The following PDCL2 variants were observed in gnomAD, a reference collection of about 807,000 sequenced individuals.
The protein encoded by PDCL2 is phosducin like 2, also known as phosducin-like protein 2.
Under a neutral mutation model 30.3 loss-of-function variants are expected in PDCL2, and 23 were observed. That is an observed-to-expected ratio of 0.76 (90% CI 0.55 to 1.08). PDCL2 has a LOEUF of 1.08. Among genes scored for constraint, PDCL2 ranks in the 50% least tolerant of loss-of-function variants. PDCL2 has a pLI of 0.00. For synonymous variants in PDCL2, 68 were observed against 86.2 expected (o/e 0.79, Z 1.17); for missense variants, 243 against 282.3 (o/e 0.86, Z 1.00).
At chr4:55,577,700 A>G (rs906292027) in intron 3 of PDCL2, among the ~76,000 whole-genome samples, 1 of 152,206 alleles carries the variant, frequency 6.6e-6, no homozygotes, top group African/African-American at 2.4e-5. Flanking sequence ...ATTCCTGTTT[A>G]TAACTTCTAT....
Position 55,556,606 on chromosome 4 carries a change from G to C in PDCL2, c.677C>G (p.Ser226Cys). ...GGAGCTATCACTGTCATCATGAATAGAAGTGTTTCTAATTGAAGATACCAT... is the reference window on the plus strand; with the variant it reads ...GGAGCTATCACTGTCATCATGAATACAAGTGTTTCTAATTGAAGATACCAT... ...DMMVSSIRNTSIHDDSDSSNS... is the reference protein window; with the variant it reads ...DMMVSSIRNTCIHDDSDSSNS... Residue 226 changes from serine to cysteine, a missense_variant, in exon 6 of 6, where the codon TCT (serine) becomes TGT (cysteine). Transcript: ENST00000295645. 6.3e-7 allele frequency: 1 copy of C among 1,575,030 alleles called. No individual in the cohort carries two copies. Among genetic ancestry groups the C allele is most frequent in the South Asian group, 1.2e-5 (1 of 86,250 alleles).
intron 1 of PDCL2, among the ~76,000 whole-genome samples, chr4:55,590,332 A>G (rs1200380010): frequency 1.3e-5 from 2 of 151,056 alleles, no homozygotes; most frequent in Non-Finnish European, 3.0e-5. Context: ...AAAAAAATTA[A>G]CTGTGTATGG....
intron 1 of PDCL2, among the ~76,000 whole-genome samples, chr4:55,588,863 T>G (rs1458254935): frequency 9.9e-6 from 1 of 100,930 alleles, no homozygotes; most frequent in African/African-American, 4.5e-5. Flanking sequence ...TATTTATAAG[T>G]ACTTTTTTTT....
chr4:55,558,936 T>C (rs1732052964), intron 5 of PDCL2, among the ~76,000 whole-genome samples: 1 of 152,100 alleles, frequency 6.6e-6, no homozygotes, highest in Non-Finnish European at 1.5e-5. Flanking sequence ...ACACGCACTC[T>C]TATAAATCAA....
intron 1 of PDCL2, among the ~76,000 whole-genome samples, chr4:55,590,467 A>C (rs1239798529): frequency 6.7e-6 from 1 of 149,090 alleles, no homozygotes; most frequent in Non-Finnish European, 1.5e-5. Flanking sequence ...TCCAAAAAAA[A>C]AAAAAAAAAG....
intron 1 of PDCL2, among the ~76,000 whole-genome samples, chr4:55,582,452 T>A (rs1187391456): frequency 6.6e-6 from 1 of 152,202 alleles, no homozygotes; most frequent in African/African-American, 2.4e-5. Flanking sequence ...AAAATATCAA[T>A]TTAGAATACA....
chr4:55,562,285 TA>T, intron 5 of PDCL2, 118 bp downstream of exon 5: 2 of 556,950 alleles, frequency 3.6e-6, no homozygotes, highest in Non-Finnish European at 5.8e-6. Flanking sequence ...TGGAGGCATA[TA>T]AAAAGAGACT....
intron 5 of PDCL2, among the ~76,000 whole-genome samples, chr4:55,559,940 A>G (rs1732080411): frequency 6.6e-6 from 1 of 152,212 alleles, no homozygotes; most frequent in Non-Finnish European, 1.5e-5. Flanking sequence ...TCATAGAGAC[A>G]GAATCTAAAA....
In PDCL2 at chr4:55,556,649, T is replaced by C. The variant is rs1162352193; in HGVS notation, c.634A>G (p.Lys212Glu). 2.5e-6 allele frequency: 4 copies of C among 1,570,336 alleles called. No homozygotes were observed. The highest frequency in any genetic ancestry group is 3.5e-6 in the Non-Finnish European group (4 of 1,155,602). The change falls in exon 6 of 6, where the codon AAA (lysine) becomes GAA (glutamate). Residue 212 changes from lysine (K) to glutamate (E), a missense_variant. By Grantham distance (56) the Lys-to-Glu change is moderately conservative (BLOSUM62 1). Coordinates refer to ENST00000295645, the MANE Select transcript of PDCL2 (RefSeq NM_152401.3). ...GATACCATCATATCTACCATGTCTT[T>C]TCTGGGGTTTTCTTCCAAATCAGTC... is the stretch of plus-strand genomic sequence containing the variant. ...IQTDLEENPR[K>E]DMVDMMVSSI...
intron 4 of PDCL2, among the ~76,000 whole-genome samples, chr4:55,569,173 AG>A (rs1173885171): frequency 6.6e-6 from 1 of 152,162 alleles, no homozygotes; most frequent in Admixed American, 6.6e-5. Context: ...TCCAACTTGC[AG>A]GGCCCCAGCC....
At chr4:55,587,216 T>TAAAAAAAAAAAAA (rs869107656) in intron 1 of PDCL2, among the ~76,000 whole-genome samples, 28 of 62,834 alleles carry the variant, frequency 4.5e-4, no homozygotes, top group African/African-American at 2.1e-3. Context: ...GACAGAATAG[T>TAAAAAAAAAAAAA]AAAAAAAAAA....
intron 1 of PDCL2, among the ~76,000 whole-genome samples, chr4:55,583,364 A>G (rs991814547): frequency 6.6e-6 from 1 of 152,162 alleles, no homozygotes; most frequent in African/African-American, 2.4e-5. Flanking sequence ...CAATATATAG[A>G]TTGTCTCTTC....
intron 5 of PDCL2, among the ~76,000 whole-genome samples, chr4:55,557,842 ACACCTGTAATCG>A (rs1387927066): frequency 2.0e-5 from 3 of 151,730 alleles, no homozygotes; most frequent in Non-Finnish European, 4.4e-5. Flanking sequence ...GTGGTGGCTC[ACACCTGTAATCG>A]CAGCACTTCG....
intron 3 of PDCL2, among the ~76,000 whole-genome samples, chr4:55,579,221 A>T (rs924299075): frequency 5.9e-5 from 9 of 151,298 alleles, no homozygotes; most frequent in African/African-American, 1.2e-4. Flanking sequence ...GCAACATAAG[A>T]TGCTTCATAT....
At chr4:55,564,888 A>G (rs908339336) in intron 4 of PDCL2, among the ~76,000 whole-genome samples, 6 of 152,332 alleles carry the variant, frequency 3.9e-5, no homozygotes, top group Non-Finnish European at 7.3e-5. Flanking sequence ...ATTTGATCTA[A>G]CCAACTCCCA....
At chr4:55,580,795 T>C in intron 3 of PDCL2, 26 bp downstream of exon 3, 1 of 1,501,808 alleles carries the variant, frequency 6.7e-7, no homozygotes, top group Non-Finnish European at 9.0e-7. Context: ...CAAAAATTTA[T>C]AATTAACCCA....
At position 55,562,427 on chromosome 4, in the gene PDCL2, C is replaced by A; in HGVS notation, c.548G>T (p.Gly183Val). 6.9e-7 allele frequency: 1 copy of A among 1,451,802 alleles called. No homozygotes were observed. The highest frequency in any genetic ancestry group is 9.1e-7 in the Non-Finnish European group (1 of 1,097,852). 89.9% of individuals were successfully genotyped at this position (1,451,802 alleles called of 1,614,324 possible). A position where few individuals can be genotyped will look rare whatever the true frequency, so the allele number is the denominator to read the frequency against. Residue 183 changes from glycine (G) to valine (V), a missense_variant, in exon 5 of 6, where the codon GGA (glycine) becomes GTA (valine). Coordinates refer to ENST00000295645, the MANE Select transcript of PDCL2 (RefSeq NM_152401.3). ...EAKFIGIIEC[G>V]GINLKLEELE... The stretch of plus-strand genomic sequence containing the variant: ...ACCTTCCAGCTTGAGATTTATCCCT[C>A]CACATTCTATAATTCCAATGAATTT...
intron 3 of PDCL2, among the ~76,000 whole-genome samples, chr4:55,572,909 G>A (rs1489191879): frequency 2.6e-5 from 4 of 152,018 alleles, no homozygotes; most frequent in African/African-American, 7.2e-5. Flanking sequence ...ACAGGCGCCC[G>A]CCATCACAAC....
intron 1 of PDCL2, among the ~76,000 whole-genome samples, chr4:55,582,849 A>T (rs953968280): frequency 3.3e-5 from 5 of 150,326 alleles, no homozygotes; most frequent in African/African-American, 1.2e-4. Flanking sequence ...GAGTGAGAAC[A>T]TGTGGTGTTT....
Sources: gnomAD v4.1 joint callset for allele counts (sites outside exome capture counted in the v4.1 genomes callset) on GRCh38, gnomAD v4.1.1 for gene constraint, MANE v1.5 for transcripts, NCBI Gene and HGNC (gene_info 2026-07-23, HGNC 2026-07-21) for gene names.